SLC6A5: variants seen among roughly 807,000 people sequenced by gnomAD.
SLC6A5 encodes sodium- and chloride-dependent glycine transporter 2.
SLC6A5 carries 58 observed loss-of-function variants against 90.5 expected under a neutral mutation model. That is an observed-to-expected ratio of 0.64 (90% CI 0.52 to 0.80). SLC6A5 has a LOEUF of 0.80. SLC6A5 is among the 30% of genes least tolerant of loss of function. The pLI is 0.00. For synonymous variants in SLC6A5, 427 were observed against 401.4 expected (o/e 1.06, Z -0.76); for missense variants, 1,015 against 1,017.6 (o/e 1.00, Z 0.03).
At chr11:20,650,170 A>G (rs1565290450) in intron 14 of SLC6A5, among the ~76,000 whole-genome samples, 2 of 152,054 alleles carry the variant, frequency 1.3e-5, no homozygotes, top group Non-Finnish European at 2.9e-5. Context: ...TGGGGAGAGG[A>G]GGAGAGGACT....
rs1443770568 is a variant in SLC6A5 at position 20,658,281 on chromosome 11, C to T, written c.*3413C>T. The T allele has an allele frequency of 6.6e-6, 1 of 152,114 alleles. No homozygotes were observed. The highest frequency in any genetic ancestry group is 2.4e-5 in the African/African-American group (1 of 41,420). 9.4% of individuals were successfully genotyped at this position (152,114 alleles called of 1,614,324 possible). The stretch of plus-strand genomic sequence containing the variant: ...GTTCCCTTGGCTGTAGGTCATTGTC[C>T]TCTTCCCAGAGGCTAGCACAATAAC... On this transcript the variant is annotated 3_prime_UTR_variant, in exon 16 of 16. Transcript: ENST00000525748.
chr11:20,646,817 T>C lies in SLC6A5; in HGVS notation c.1970-17T>C. ...GCTACTGTGCCTTATACCTGTTCTC[T>C]GCTTGTCTATTTGCAGGCTTGCAAA... On this transcript the variant is annotated splice_polypyrimidine_tract_variant and intron_variant, in intron 13 of 15. Transcript: ENST00000525748. The C allele has an allele frequency of 6.3e-7, 1 of 1,577,096 alleles. No homozygotes were observed. Among genetic ancestry groups the C allele is most frequent in the Non-Finnish European group, 8.7e-7 (1 of 1,146,350 alleles).
rs577564416 is a variant in SLC6A5, at chr11:20,602,904, G to T, written c.540+1239G>T. Among the ~76,000 whole-genome samples, 7 of 152,326 alleles carry T rather than the reference G, an allele frequency of 4.6e-5. No homozygotes were observed. The South Asian group carries it at 6.2e-4, about 14-fold the overall frequency. On this transcript the variant is annotated intron_variant, in intron 2 of 15. Transcript: ENST00000525748. The stretch of plus-strand genomic sequence containing the variant: ...GTGGAGCAGAATATTTGTTTCACTT[G>T]TCTTGCTTAACCTCCGCACTGCGGC...
chr11:20,635,228 C>T (rs1254074878), intron 10 of SLC6A5, among the ~76,000 whole-genome samples: 1 of 152,170 alleles, frequency 6.6e-6, no homozygotes, highest in Non-Finnish European at 1.5e-5. Flanking sequence ...TTGTAACCAC[C>T]TTGTGAGGTC....
chr11:20,633,964 C>T (rs4477436), intron 10 of SLC6A5, among the ~76,000 whole-genome samples: 24,640 of 152,048 alleles, frequency 0.16, 2,462 homozygotes, highest in African/African-American at 0.28. Flanking sequence ...TTCTGCCTCC[C>T]GGGTTCACAC....
chr11:20,625,915 T>G (rs1386476988), intron 7 of SLC6A5, among the ~76,000 whole-genome samples: 1 of 152,254 alleles, frequency 6.6e-6, no homozygotes, highest in Non-Finnish European at 1.5e-5. Context: ...AGCTCATTAT[T>G]CAGACATTGT....
Position 20,607,669 on chromosome 11 carries a change from C to T in SLC6A5, c.985+17C>T, listed in dbSNP as rs752232376. 2.5e-6 allele frequency: 4 copies of T among 1,600,394 alleles called. No individual in the cohort carries two copies. The highest frequency in any genetic ancestry group is 1.7e-6 in the Non-Finnish European group (2 of 1,168,134). ...TTTTATTAGGTAAGTTTGGAAATAC[C>T]TGCTTTAGGTGTGTGTATTCTAAAC... On this transcript the variant is annotated intron_variant, in intron 5 of 15. Transcript: ENST00000525748.
intron 8 of SLC6A5, among the ~76,000 whole-genome samples, chr11:20,627,760 TC>T (rs1389555349): frequency 3.3e-5 from 5 of 152,234 alleles, no homozygotes; most frequent in African/African-American, 1.2e-4. Flanking sequence ...TTTATTGAGT[TC>T]CTCACCTTTG....
chr11:20,635,624 A>G lies in SLC6A5; in HGVS notation c.1625-683A>G, dbSNP rs528961385. On this transcript the variant is annotated intron_variant, in intron 10 of 15. Coordinates refer to ENST00000525748, the MANE Select transcript of SLC6A5 (RefSeq NM_004211.5). ...AAACCACAATGACACACGTTTACCT[A>G]TGTAACAAACCTGCACATGCACCCC... Among the ~76,000 whole-genome samples the G allele has an allele frequency of 1.0e-3, 156 of 152,316 alleles. 1 individual carries two copies. The highest frequency in any genetic ancestry group is 3.4e-3 in the Middle Eastern group (1 of 294).
In SLC6A5 at chr11:20,656,375, T is replaced by C. The variant is rs923060267; in HGVS notation, c.*1507T>C. On this transcript the variant is annotated 3_prime_UTR_variant, in exon 16 of 16. Transcript: ENST00000525748. ...AAATTGTTTCCTTTAGGGGAGATCATTTCAATCATTTTCTTCATTTATCTT... is the reference window on the plus strand; with the variant it reads ...AAATTGTTTCCTTTAGGGGAGATCACTTCAATCATTTTCTTCATTTATCTT... 1.3e-5 allele frequency: 2 copies of C among 152,226 alleles called. No individual in the cohort carries two copies. Among genetic ancestry groups the C allele is most frequent in the Non-Finnish European group, 2.9e-5 (2 of 68,042 alleles). 9.4% of individuals were successfully genotyped at this position (152,226 alleles called of 1,614,324 possible).
rs1444559242 is a variant in SLC6A5, at chr11:20,614,670, C to A, written c.986-9C>A. 6.2e-7 allele frequency: 1 copy of A among 1,612,918 alleles called. No individual in the cohort carries two copies. Among genetic ancestry groups the A allele is most frequent in the Non-Finnish European group, 8.5e-7 (1 of 1,178,854 alleles). On this transcript the variant is annotated splice_polypyrimidine_tract_variant and intron_variant, in intron 5 of 15. Transcript: ENST00000525748. ...TAACTGTGTTTCTATTCTGTCCTCTCCTAAACAGATTCCTGTGTTATCAGT... is the reference window on the plus strand; with the variant it reads ...TAACTGTGTTTCTATTCTGTCCTCTACTAAACAGATTCCTGTGTTATCAGT...
At chr11:20,654,215 A>AT (rs200319085) in intron 15 of SLC6A5, among the ~76,000 whole-genome samples, 130 of 150,368 alleles carry the variant, frequency 8.6e-4, no homozygotes, top group Non-Finnish European at 1.4e-3. Flanking sequence ...TTGGGGTTGG[A>AT]TTTTTTTTTT....
chr11:20,624,724 G>T (rs562678765), intron 7 of SLC6A5, among the ~76,000 whole-genome samples: 13 of 152,314 alleles, frequency 8.5e-5, no homozygotes, highest in Admixed American at 2.6e-4. Flanking sequence ...CGAGAGCCCA[G>T]AGTGGGCCTG....
rs1414139552 is a variant in SLC6A5, at chr11:20,654,753, C to T, written c.2279C>T (p.Pro760Leu). ...LVCSPQPDWGPFLAQHRGERY... is the reference protein window; with the variant it reads ...LVCSPQPDWGLFLAQHRGERY... ...TGCTCGCCACAGCCGGACTGGGGCCCATTCTTAGCTCAACACCGCGGGGAG... is the reference window on the plus strand; with the variant it reads ...TGCTCGCCACAGCCGGACTGGGGCCTATTCTTAGCTCAACACCGCGGGGAG... Residue 760 changes from proline to leucine, a missense_variant, in exon 16 of 16, where the codon CCA becomes CTA. Physicochemically the swap from Pro to Leu is moderately conservative, Grantham distance 98. Coordinates refer to ENST00000525748, the MANE Select transcript of SLC6A5 (RefSeq NM_004211.5). 1 of 1,614,116 alleles carries T rather than the reference C, an allele frequency of 6.2e-7. No homozygotes were observed. The highest frequency in any genetic ancestry group is 1.1e-5 in the South Asian group (1 of 91,076).
Position 20,655,288 on chromosome 11 carries a change from T to G in SLC6A5, c.*420T>G. On this transcript the variant is annotated 3_prime_UTR_variant, in exon 16 of 16. Coordinates refer to ENST00000525748, the MANE Select transcript of SLC6A5 (RefSeq NM_004211.5). ...TTTGGACTTGAACAGAACTGAGCAATGTGGTGATCTTGTTCAGACACACAA... is the reference window on the plus strand; with the variant it reads ...TTTGGACTTGAACAGAACTGAGCAAGGTGGTGATCTTGTTCAGACACACAA... The G allele has an allele frequency of 3.8e-6, 1 of 260,634 alleles. No individual in the cohort carries two copies. The highest frequency in any genetic ancestry group is 7.6e-6 in the Non-Finnish European group (1 of 131,498). 16.1% of individuals were successfully genotyped at this position (260,634 alleles called of 1,614,324 possible).
rs2133819196 is a variant in SLC6A5 at position 20,646,825 on chromosome 11, T to C, written c.1970-9T>C. On this transcript the variant is annotated splice_polypyrimidine_tract_variant and intron_variant, in intron 13 of 15. Coordinates refer to ENST00000525748, the MANE Select transcript of SLC6A5 (RefSeq NM_004211.5). ...GCCTTATACCTGTTCTCTGCTTGTC[T>C]ATTTGCAGGCTTGCAAAGATTCTGT... 5.6e-6 allele frequency: 9 copies of C among 1,598,542 alleles called. No homozygotes were observed. Among genetic ancestry groups the C allele is most frequent in the African/African-American group, 1.3e-5 (1 of 74,692 alleles).
At chr11:20,627,116 A>C (rs966033650) in intron 8 of SLC6A5, among the ~76,000 whole-genome samples, 5 of 152,194 alleles carry the variant, frequency 3.3e-5, no homozygotes, top group African/African-American at 1.2e-4. Context: ...GCCAACTCAC[A>C]TCACTTATCT....
At position 20,654,947 on chromosome 11, in the gene SLC6A5, C is replaced by T; in HGVS notation, c.*79C>T. On this transcript the variant is annotated 3_prime_UTR_variant, in exon 16 of 16. Transcript: ENST00000525748. Reference sequence around the variant, plus strand: ...CCTAATGTTTTCCATAGCTCTCCTCCCATTTTTCTTCATCTTTCTTCCTAC... The same window carrying T: ...CCTAATGTTTTCCATAGCTCTCCTCTCATTTTTCTTCATCTTTCTTCCTAC... The T allele has an allele frequency of 1.4e-6, 2 of 1,408,952 alleles. No individual in the cohort carries two copies. The highest frequency in any genetic ancestry group is 2.3e-5 in the East Asian group (1 of 43,954). 87.3% of individuals were successfully genotyped at this position (1,408,952 alleles called of 1,614,324 possible).
chr11:20,601,226 C>A lies in SLC6A5; in HGVS notation c.101C>A (p.Thr34Lys). 6.3e-7 allele frequency: 1 copy of A among 1,582,580 alleles called. No individual in the cohort carries two copies. Among genetic ancestry groups the A allele is most frequent in the Admixed American group, 1.7e-5 (1 of 57,734 alleles). The stretch of plus-strand genomic sequence containing the variant: ...CCGGATGGCCCATGCGCTCCCAGGA[C>A]GAGCCCGGAGCAGGAGCTTCCCGCG... The part of the protein sequence containing the change: ...GHPDGPCAPR[T>K]SPEQELPAAA... Residue 34 changes from threonine to lysine, a missense_variant, in exon 2 of 16, where the codon ACG becomes AAG. Physicochemically the swap from Thr to Lys is moderately conservative, Grantham distance 78. Transcript: ENST00000525748.
Sources: allele counts gnomAD v4.1 joint callset (sites outside exome capture counted in the v4.1 genomes callset), GRCh38; gene constraint gnomAD v4.1.1; transcripts MANE v1.5; gene names NCBI Gene and HGNC (gene_info 2026-07-23, HGNC 2026-07-21).